Variants in DMTN observed in about 807,000 individuals in gnomAD.
DMTN encodes dematin.
DMTN carries 27 observed loss-of-function variants against 59.4 expected under a neutral mutation model. The ratio of observed to expected loss-of-function variants is 0.45; its 90% CI spans 0.33 to 0.63. The LOEUF is 0.63. Ranked by LOEUF, DMTN falls within the 20% of genes least tolerant of loss-of-function variation. The probability of loss-of-function intolerance (pLI) is 0.02; values close to 1 mark genes in which losing one functional copy is unlikely to be tolerated. For missense variants in DMTN, 451 were observed against 528.9 expected, an observed-to-expected ratio of 0.85 and a Z score of 1.45; for synonymous variants, 221 against 203.7, an observed-to-expected ratio of 1.08 and a Z score of -0.72.
chr8:22,062,365 T>G (rs999093094), intron 1 of DMTN, among the ~76,000 whole-genome samples: 1 of 152,196 alleles, frequency 6.6e-6, no homozygotes, highest in Non-Finnish European at 1.5e-5. Context: ...CCCAAAGTGT[T>G]GGGGTTATAG....
chr8:22,054,882 G>A (rs1009351303), upstream of DMTN: 2 of 152,568 alleles, frequency 1.3e-5, no homozygotes, highest in Non-Finnish European at 2.9e-5. Flanking sequence ...CCGCGGCTGA[G>A]CCGGGCCTGA....
chr8:22,069,341 G>A, intron 5 of DMTN, 78 bp from the exon 6 acceptor site: 8 of 1,242,176 alleles, frequency 6.4e-6, no homozygotes, highest in Non-Finnish European at 9.1e-6. Flanking sequence ...GGACAGAGAG[G>A]GTGGTGTGAG....
chr8:22,064,704 C>CCT, intron 1 of DMTN, among the ~76,000 whole-genome samples: 1 of 152,144 alleles, frequency 6.6e-6, no homozygotes, highest in Non-Finnish European at 1.5e-5. Flanking sequence ...GTGATCTGCC[C>CCT]GCCTTGGCCT....
At chr8:22,072,186 C>A (rs1341489656) in intron 8 of DMTN, 140 bp from the exon 9 acceptor site, 3 of 1,118,622 alleles carry the variant, frequency 2.7e-6, no homozygotes, top group East Asian at 6.8e-5. Context: ...CATCTACCGA[C>A]CCTACTTTAT....
At chr8:22,051,962 C>T (rs1340811108), upstream of DMTN, among the ~76,000 whole-genome samples, 1 of 152,246 alleles carries the variant, frequency 6.6e-6, no homozygotes, top group African/African-American at 2.4e-5. Flanking sequence ...CCTAGCCCCA[C>T]AACTCCCCTT....
chr8:22,079,651 G>C (rs1165196566), intron 10 of DMTN, among the ~76,000 whole-genome samples: 3 of 151,888 alleles, frequency 2.0e-5, no homozygotes, highest in African/African-American at 7.2e-5. Flanking sequence ...ATAGAGACAG[G>C]GTTTCTCCAT....
chr8:22,067,712 G>A (rs998211630), intron 4 of DMTN, 30 bp downstream of exon 4: 19 of 1,606,908 alleles, frequency 1.2e-5, no homozygotes, highest in Admixed American at 1.7e-5. Context: ...GCAGGACTCC[G>A]GGGGAGGCCC....
Position 22,080,807 on chromosome 8 carries a change from C to T in DMTN, c.960C>T (p.Asn320=), listed in dbSNP as rs552823821. ...GSETGSPGLQ[N]GEGQRGRMDR... ...CACTGCGGCTTTGGTCTCCCCAGAA[C>T]GGAGAGGGCCAGAGGGGGAGGATGG... is the stretch of plus-strand genomic sequence containing the variant. The change falls in exon 14 of 16, where the codon AAC becomes AAT. Residue 320 remains asparagine, a splice_region_variant and synonymous_variant. Coordinates refer to ENST00000358242, the MANE Select transcript of DMTN (RefSeq NM_001387751.1). The T allele has an allele frequency of 1.3e-5, 21 of 1,606,238 alleles. No individual in the cohort carries two copies. Among genetic ancestry groups the T allele is most frequent in the Middle Eastern group, 1.7e-4 (1 of 6,044 alleles).
At chr8:22,061,065 A>T (rs1386304347) in intron 1 of DMTN, among the ~76,000 whole-genome samples, 1 of 152,062 alleles carries the variant, frequency 6.6e-6, no homozygotes, top group African/African-American at 2.4e-5. Flanking sequence ...TGAGCCCAGG[A>T]ATTCGACACC....
Position 22,082,508 on chromosome 8 carries a change from G to A in DMTN, c.*1045G>A. The A allele has an allele frequency of 3.4e-6, 1 of 297,202 alleles. No homozygotes were observed. Among genetic ancestry groups the A allele is most frequent in the Admixed American group, 4.4e-5 (1 of 22,868 alleles). 18.4% of individuals were successfully genotyped at this position (297,202 alleles called of 1,614,324 possible). A position where few individuals can be genotyped will look rare whatever the true frequency, so the allele number is the denominator to read the frequency against. ...AGGGGGACTCTGCTTGGAATTAAAA[G>A]GTTGCATTGGGTCCCTACATCTGTC... On this transcript the variant is annotated 3_prime_UTR_variant, in exon 16 of 16. Coordinates refer to ENST00000358242, the MANE Select transcript of DMTN (RefSeq NM_001387751.1).
chr8:22,079,147 C>T (rs145731962), intron 10 of DMTN, among the ~76,000 whole-genome samples: 1,858 of 150,984 alleles, frequency 0.012, 33 homozygotes, highest in African/African-American at 0.043. Flanking sequence ...TAGTGGCTCA[C>T]ACCTATAATC....
chr8:22,073,732 T>C lies in DMTN; in HGVS notation c.732T>C (p.Val244=). The C allele has an allele frequency of 6.2e-7, 1 of 1,611,636 alleles. No homozygotes were observed. Among genetic ancestry groups the C allele is most frequent in the Non-Finnish European group, 8.5e-7 (1 of 1,178,376 alleles). Residue 244 remains valine, a splice_region_variant and synonymous_variant, in exon 10 of 16, where the codon GTT becomes GTC. Transcript: ENST00000358242. ...CATCTTCCTTTCTCCCTCCTCAGGT[T>C]ACTTCCAACTTGGGAAAGATGATCT... ...RERQREELSK[V]TSNLGKMILK...
chr8:22,071,989 G>T (rs563767220), intron 8 of DMTN, among the ~76,000 whole-genome samples: 4 of 152,134 alleles, frequency 2.6e-5, no homozygotes, highest in African/African-American at 9.6e-5. Context: ...GAATTACTGG[G>T]CTCAAGCAAT....
intron 5 of DMTN, 112 bp downstream of exon 5, chr8:22,069,172 A>G: frequency 7.8e-7 from 1 of 1,286,784 alleles, no homozygotes; most frequent in Non-Finnish European, 1.1e-6. Context: ...TGCCCGAATC[A>G]GCGGCCCCCT....
chr8:22,077,569 G>A (rs946740484), intron 10 of DMTN, among the ~76,000 whole-genome samples: 1 of 152,162 alleles, frequency 6.6e-6, no homozygotes, highest in Admixed American at 6.6e-5. Flanking sequence ...GAGAGGATGC[G>A]TGAAGGTTGG....
intron 10 of DMTN, among the ~76,000 whole-genome samples, chr8:22,074,911 C>T (rs943230695): frequency 4.6e-5 from 7 of 152,016 alleles, no homozygotes; most frequent in African/African-American, 9.7e-5. Flanking sequence ...AGAGGGGTCC[C>T]GGCATGGTGG....
At chr8:22,078,358 C>CCA (rs1563531014) in intron 10 of DMTN, among the ~76,000 whole-genome samples, 1 of 149,926 alleles carries the variant, frequency 6.7e-6, no homozygotes, top group Non-Finnish European at 1.5e-5. Flanking sequence ...GAGTGAGACT[C>CCA]TGTATCAAAA....
chr8:22,054,103 T>TACACACACAG (rs1554530811), upstream of DMTN, among the ~76,000 whole-genome samples: 1 of 148,430 alleles, frequency 6.7e-6, no homozygotes, highest in East Asian at 2.0e-4. Context: ...CCACCACCAA[T>TACACACACAG]ACACACACAC....
At chr8:22,079,674 G>A (rs1228747149) in intron 10 of DMTN, among the ~76,000 whole-genome samples, 4 of 151,800 alleles carry the variant, frequency 2.6e-5, no homozygotes. Context: ...TGGTTAGGCT[G>A]GTCTTGAACT....
Sources: gnomAD v4.1 joint callset for allele counts (sites outside exome capture counted in the v4.1 genomes callset) on GRCh38, gnomAD v4.1.1 for gene constraint, MANE v1.5 for transcripts, NCBI Gene and HGNC (gene_info 2026-07-23, HGNC 2026-07-21) for gene names.